NCAM2: variants seen among roughly 807,000 people sequenced by gnomAD.
NCAM2 encodes neural cell adhesion molecule 2, also known as N-CAM-2.
Under a neutral mutation model 98.1 loss-of-function variants are expected in NCAM2, and 30 were observed. That is an observed-to-expected ratio of 0.31 (90% CI 0.23 to 0.41). The LOEUF (loss-of-function observed/expected upper bound fraction) is 0.41. NCAM2 is among the 10% of genes least tolerant of loss of function. The pLI is 1.00. For missense variants in NCAM2, 867 were observed against 1,005.8 expected (o/e 0.86, Z 1.87); for synonymous variants, 368 against 342.4 (o/e 1.07, Z -0.83).
At chr21:21,523,143 C>T (rs1989126930) in intron 16 of NCAM2, among the ~76,000 whole-genome samples, 1 of 152,070 alleles carries the variant, frequency 6.6e-6, no homozygotes, top group South Asian at 2.1e-4. Flanking sequence ...CAAGTTGTCT[C>T]TTCACTTTAC....
chr21:21,457,432 G>A (rs554950833), intron 12 of NCAM2, among the ~76,000 whole-genome samples: 19 of 152,250 alleles, frequency 1.2e-4, no homozygotes, highest in African/African-American at 4.3e-4. Flanking sequence ...ATGAGGTCCG[G>A]AGTTCGAGAC....
At chr21:21,179,449 G>T (rs1263041253) in intron 1 of NCAM2, among the ~76,000 whole-genome samples, 3 of 151,998 alleles carry the variant, frequency 2.0e-5, no homozygotes, top group Non-Finnish European at 4.4e-5. Context: ...TTTGCCTTAA[G>T]AAATTGTTTT....
chr21:21,219,436 G>A (rs13050139), intron 1 of NCAM2, among the ~76,000 whole-genome samples: 47,019 of 152,070 alleles, frequency 0.31, 8,132 homozygotes, highest in Non-Finnish European at 0.4. Flanking sequence ...GTATATGATG[G>A]TAATCTCATA....
chr21:21,352,235 T>C (rs1461711729), intron 8 of NCAM2, among the ~76,000 whole-genome samples: 1 of 152,086 alleles, frequency 6.6e-6, no homozygotes, highest in Non-Finnish European at 1.5e-5. Context: ...TAGCTAAATT[T>C]TTGTAGGTTT....
At chr21:21,392,451 C>T (rs893867927) in intron 9 of NCAM2, among the ~76,000 whole-genome samples, 1 of 152,134 alleles carries the variant, frequency 6.6e-6, no homozygotes, top group Non-Finnish European at 1.5e-5. Flanking sequence ...ATTTACATTC[C>T]TTTGGGTATA....
At chr21:21,534,428 T>G (rs1309946358) in intron 16 of NCAM2, 109 bp from the exon 17 acceptor site, 1 of 912,982 alleles carries the variant, frequency 1.1e-6, no homozygotes, top group African/African-American at 1.7e-5. Context: ...TTAACCAAGT[T>G]GGATTTATTT....
intron 1 of NCAM2, among the ~76,000 whole-genome samples, chr21:21,278,001 T>A (rs544105564): frequency 6.6e-6 from 1 of 152,258 alleles, no homozygotes; most frequent in South Asian, 2.1e-4. Context: ...TTGGTTTGCA[T>A]ACAGAAAATT....
intron 16 of NCAM2, among the ~76,000 whole-genome samples, chr21:21,511,575 C>T (rs1196938248): frequency 6.6e-6 from 1 of 151,632 alleles, no homozygotes; most frequent in Non-Finnish European, 1.5e-5. Flanking sequence ...ACAAATATCT[C>T]TTGATTTTTT....
intron 15 of NCAM2, among the ~76,000 whole-genome samples, chr21:21,481,857 A>C (rs116511220): frequency 0.031 from 4,756 of 152,276 alleles, 262 homozygotes; most frequent in African/African-American, 0.11. Context: ...TAATCCCAGC[A>C]CTTTGGGAAG....
In NCAM2 at chr21:21,194,490, A is replaced by G. The variant is rs552004006; in HGVS notation, c.56-86088A>G. Among the ~76,000 whole-genome samples, 15 of 152,302 alleles carry G rather than the reference A, an allele frequency of 9.8e-5. No homozygotes were observed. In the South Asian group the frequency reaches 2.9e-3, roughly 29 times the overall value. ...ACACAAAATTTAACTAGTTCAAGGT[A>G]GTTTACACTAGTAAGGGGCAAACAC... On this transcript the variant is annotated intron_variant, in intron 1 of 17. Coordinates refer to ENST00000400546, the MANE Select transcript of NCAM2 (RefSeq NM_004540.5).
intron 1 of NCAM2, among the ~76,000 whole-genome samples, chr21:21,168,860 T>C (rs2146829871): frequency 6.6e-6 from 1 of 152,170 alleles, no homozygotes; most frequent in Non-Finnish European, 1.5e-5. Context: ...AGGATGCCAG[T>C]TTTTTCCGAC....
At chr21:21,136,025 T>C (rs1009504884) in intron 1 of NCAM2, among the ~76,000 whole-genome samples, 2 of 139,070 alleles carry the variant, frequency 1.4e-5, no homozygotes, top group African/African-American at 2.9e-5. Flanking sequence ...ACAAACAATT[T>C]TGAAGGCTTA....
intron 5 of NCAM2, among the ~76,000 whole-genome samples, chr21:21,293,216 T>G (rs561922439): frequency 1.3e-5 from 2 of 152,076 alleles, no homozygotes; most frequent in East Asian, 3.9e-4. Flanking sequence ...ACATATCCAT[T>G]GTATATTTTA....
rs1985445556 is a variant in NCAM2, at chr21:21,478,468, T to G, written c.2077+997T>G. ...TCATGTCATTAAACCCTCTTGTAAT[T>G]TCAAATTGATGTTAATTTCACATAT... On this transcript the variant is annotated intron_variant, in intron 15 of 17. Transcript: ENST00000400546. Among the ~76,000 whole-genome samples the G allele has an allele frequency of 2.0e-5, 3 of 151,964 alleles. No homozygotes were observed. In the South Asian group the frequency reaches 6.2e-4, roughly 32 times the overall value.
intron 5 of NCAM2, among the ~76,000 whole-genome samples, chr21:21,299,804 A>G (rs938027444): frequency 6.6e-6 from 1 of 151,978 alleles, no homozygotes; most frequent in Non-Finnish European, 1.5e-5. Flanking sequence ...TTCACAAAGT[A>G]CAGTTGTTCC....
intron 15 of NCAM2, among the ~76,000 whole-genome samples, chr21:21,484,320 C>G (rs970916583): frequency 2.6e-5 from 4 of 152,050 alleles, no homozygotes; most frequent in African/African-American, 9.7e-5. Context: ...TTGTGTAAAT[C>G]TTGCATTAAT....
chr21:21,367,789 G>C (rs2075822671), intron 8 of NCAM2, among the ~76,000 whole-genome samples: 1 of 151,668 alleles, frequency 6.6e-6, no homozygotes, highest in Non-Finnish European at 1.5e-5. Flanking sequence ...AGCAAACTGA[G>C]GTACCACTAA....
intron 1 of NCAM2, among the ~76,000 whole-genome samples, chr21:21,021,530 T>TA (rs1347014190): frequency 3.3e-5 from 5 of 152,286 alleles, no homozygotes; most frequent in African/African-American, 1.2e-4. Context: ...CAGTAGGAGA[T>TA]AAAATTGAGT....
chr21:21,069,349 G>T (rs1028420842), intron 1 of NCAM2, among the ~76,000 whole-genome samples: 2 of 152,106 alleles, frequency 1.3e-5, no homozygotes, highest in African/African-American at 4.8e-5. Context: ...CTTTAAAATT[G>T]CAGAAGAGAC....
Sources: gnomAD v4.1 joint callset for allele counts (sites outside exome capture counted in the v4.1 genomes callset) on GRCh38, gnomAD v4.1.1 for gene constraint, MANE v1.5 for transcripts, NCBI Gene and HGNC (gene_info 2026-07-23, HGNC 2026-07-21) for gene names.